Variants in UTRN observed in about 807,000 individuals in gnomAD.
UTRN encodes the protein dystrophin-related protein 1.
UTRN carries 283 observed loss-of-function variants against 463.9 expected under a neutral mutation model. The ratio of observed to expected loss-of-function variants is 0.61; its 90% CI spans 0.55 to 0.67. The LOEUF is 0.67. Ranked by LOEUF, UTRN falls within the 30% of genes least tolerant of loss-of-function variation. The probability of loss-of-function intolerance (pLI) is 0.00; values close to 1 mark genes in which losing one functional copy is unlikely to be tolerated. For synonymous variants in UTRN, 1,442 were observed against 1,431.5 expected (o/e 1.01, Z -0.17); for missense variants, 3,922 against 4,084.3 (o/e 0.96, Z 1.08).
chr6:144,577,036 C>A (rs879164358), intron 50 of UTRN, 63 bp from the exon 51 acceptor site: 1 of 1,502,422 alleles, frequency 6.7e-7, no homozygotes, highest in African/African-American at 1.4e-5. Context: ...TTAGGGGATG[C>A]GTGATGTGGA....
chr6:144,519,197 C>G (rs1795878900), intron 39 of UTRN, among the ~76,000 whole-genome samples: 1 of 152,032 alleles, frequency 6.6e-6, no homozygotes, highest in African/African-American at 2.4e-5. Flanking sequence ...AAAATATTAT[C>G]TTATTGATAT....
At position 144,850,481 on chromosome 6, in the gene UTRN, TGA is replaced by T. The variant is rs753192050; in HGVS notation, c.10294-506_10294-505del. ...CTTCAAAAGGTTGATACCACTTCCA[TGA>T]GTGTGGCCTGGATTTATATTGTCTC... is the stretch of plus-strand genomic sequence containing the variant. On this transcript the variant is annotated intron_variant, in intron 74 of 74. Coordinates refer to ENST00000367545, the MANE Select transcript of UTRN (RefSeq NM_007124.3). Among the ~76,000 whole-genome samples, 23 of 152,134 alleles carry T rather than the reference TGA, an allele frequency of 1.5e-4. 1 individual carries two copies. The highest frequency in any genetic ancestry group is 2.1e-4 in the Non-Finnish European group (14 of 67,992).
intron 58 of UTRN, among the ~76,000 whole-genome samples, chr6:144,764,398 T>TA (rs1793041288): frequency 6.6e-6 from 1 of 152,320 alleles, no homozygotes; most frequent in East Asian, 1.9e-4. Flanking sequence ...GGACTTAAAA[T>TA]ATCACCTTCA....
chr6:144,798,859 G>A lies in UTRN; in HGVS notation c.9245+869G>A, dbSNP rs111740120. Among the ~76,000 whole-genome samples the A allele has an allele frequency of 9.3e-3, 1,422 of 152,184 alleles. 28 individuals carry two copies. Among genetic ancestry groups the A allele is most frequent in the African/African-American group, 0.031 (1,297 of 41,534 alleles). On this transcript the variant is annotated intron_variant, in intron 64 of 74. Transcript: ENST00000367545. ...CAAGTTCACGCGATTCCCCTGCCTC[G>A]GCCTCCCGAGTAGCTGGGACTACAG...
At position 144,435,858 on chromosome 6, in the gene UTRN, C is replaced by T. The variant is rs1786485785; in HGVS notation, c.856-77C>T. The T allele has an allele frequency of 6.0e-6, 9 of 1,498,370 alleles. 1 individual carries two copies. Among genetic ancestry groups the T allele is most frequent in the Middle Eastern group, 2.4e-4 (1 of 4,214 alleles). 92.8% of individuals were successfully genotyped at this position (1,498,370 alleles called of 1,614,324 possible). On this transcript the variant is annotated intron_variant, in intron 9 of 74. Coordinates refer to ENST00000367545, the MANE Select transcript of UTRN (RefSeq NM_007124.3). ...GACAGAGTGGTGGGTACTTTGGGTT[C>T]GCCATACAGTGTGAGTTTGCTGAAC...
At chr6:144,809,525 A>G (rs1207688684) in intron 65 of UTRN, among the ~76,000 whole-genome samples, 1 of 152,164 alleles carries the variant, frequency 6.6e-6, no homozygotes, top group Non-Finnish European at 1.5e-5. Context: ...AGGTTTATTT[A>G]TAATATAAGA....
intron 51 of UTRN, among the ~76,000 whole-genome samples, chr6:144,625,023 C>G (rs978364171): frequency 6.6e-6 from 1 of 152,190 alleles, no homozygotes; most frequent in East Asian, 1.9e-4. Flanking sequence ...TTCCATTTCA[C>G]TTTCCACAGC....
chr6:144,596,126 G>A (rs1803618006), intron 51 of UTRN, among the ~76,000 whole-genome samples: 1 of 152,264 alleles, frequency 6.6e-6, no homozygotes, highest in Non-Finnish European at 1.5e-5. Flanking sequence ...AAAATTTCAG[G>A]AAGTTGCATG....
At chr6:144,638,796 C>T (rs1331799126) in intron 51 of UTRN, among the ~76,000 whole-genome samples, 2 of 152,010 alleles carry the variant, frequency 1.3e-5, no homozygotes, top group African/African-American at 4.8e-5. Context: ...GTAGTTATTG[C>T]TTATAATCCT....
At chr6:144,712,584 C>T (rs548939476) in intron 53 of UTRN, among the ~76,000 whole-genome samples, 2 of 152,272 alleles carry the variant, frequency 1.3e-5, no homozygotes, top group African/African-American at 4.8e-5. Context: ...TATATTGTAC[C>T]TGATGTTTGC....
At chr6:144,607,371 G>A (rs931070242) in intron 51 of UTRN, among the ~76,000 whole-genome samples, 1 of 152,092 alleles carries the variant, frequency 6.6e-6, no homozygotes, top group African/African-American at 2.4e-5. Context: ...TAAGGCTATG[G>A]GAAGTTCTGC....
At chr6:144,306,786 T>G (rs925367364) in intron 2 of UTRN, among the ~76,000 whole-genome samples, 1 of 151,732 alleles carries the variant, frequency 6.6e-6, no homozygotes, top group African/African-American at 2.4e-5. Context: ...CCGGGTGTGG[T>G]GGATCATGCC....
At chr6:144,310,476 C>T (rs1562732018) in intron 2 of UTRN, among the ~76,000 whole-genome samples, 1 of 148,302 alleles carries the variant, frequency 6.7e-6, no homozygotes, top group African/African-American at 2.5e-5. Flanking sequence ...GCGGAGGTTG[C>T]AGTGAGCTGA....
chr6:144,767,211 A>T (rs1000940014), intron 58 of UTRN, among the ~76,000 whole-genome samples: 1 of 152,164 alleles, frequency 6.6e-6, no homozygotes, highest in African/African-American at 2.4e-5. Context: ...TTGAAATCAC[A>T]TATTTTAAAG....
At chr6:144,846,660 G>C in intron 73 of UTRN, 145 bp from the exon 74 acceptor site, 3 of 1,090,766 alleles carry the variant, frequency 2.8e-6, no homozygotes, top group Non-Finnish European at 4.0e-6. Context: ...TGTGTTTCTT[G>C]TTTTTCCTAT....
At chr6:144,485,165 C>T (rs1792306989) in intron 27 of UTRN, among the ~76,000 whole-genome samples, 1 of 152,056 alleles carries the variant, frequency 6.6e-6, no homozygotes, top group Non-Finnish European at 1.5e-5. Context: ...ACCTCATGAT[C>T]TGCCTGCTTC....
chr6:144,624,728 G>T (rs1562667023), intron 51 of UTRN, among the ~76,000 whole-genome samples: 1 of 152,162 alleles, frequency 6.6e-6, no homozygotes, highest in Non-Finnish European at 1.5e-5. Flanking sequence ...CTAGAAATGT[G>T]CAGCAGGCAG....
At chr6:144,808,572 A>T (rs1409332844) in intron 65 of UTRN, among the ~76,000 whole-genome samples, 2 of 152,042 alleles carry the variant, frequency 1.3e-5, no homozygotes, top group East Asian at 3.9e-4. Context: ...AGTGAATTTC[A>T]AGTGTATTAT....
At position 144,678,724 on chromosome 6, in the gene UTRN, T is replaced by C. The variant is rs1781903747; in HGVS notation, c.7652+146T>C. 15 of 789,594 alleles carry C rather than the reference T, an allele frequency of 1.9e-5. No homozygotes were observed. In the South Asian group the frequency reaches 3.2e-4, roughly 17 times the overall value. 48.9% of individuals were successfully genotyped at this position (789,594 alleles called of 1,614,324 possible). ...TTAAGATTTTAATGCAAAGCCTGTT[T>C]CCTTGAGTTATATAGTTCAAGCTCT... On this transcript the variant is annotated intron_variant, in intron 52 of 74. Transcript: ENST00000367545.
Sources: allele counts gnomAD v4.1 joint callset (sites outside exome capture counted in the v4.1 genomes callset), GRCh38; gene constraint gnomAD v4.1.1; transcripts MANE v1.5; gene names NCBI Gene and HGNC (gene_info 2026-07-23, HGNC 2026-07-21).